Variants in RARB observed in about 807,000 individuals in gnomAD.
RARB encodes HBV-activated protein.
A neutral mutation model predicts 51.9 loss-of-function variants in RARB; 17 were observed. The observed-to-expected ratio is 0.33, with a 90% CI of 0.22 to 0.49. The LOEUF (loss-of-function observed/expected upper bound fraction) is 0.49, where lower values mean the gene tolerates loss of function less well. Among genes scored for constraint, RARB ranks in the 20% least tolerant of loss-of-function variants. The pLI, the probability that RARB is intolerant of heterozygous loss-of-function variation, is 0.99. For synonymous variants in RARB, 215 were observed against 195.4 expected (o/e 1.10, Z -0.84); for missense variants, 369 against 550.8 (o/e 0.67, Z 3.30).
At chr3:25,131,324 C>G in intron 3 of RARB, among the ~76,000 whole-genome samples, 1 of 152,176 alleles carries the variant, frequency 6.6e-6, no homozygotes, top group Middle Eastern at 3.4e-3. Context: ...CGCTCTTTAA[C>G]ATGAAGCTCT....
At chr3:25,228,964 T>A (rs1702117434) in intron 5 of RARB, among the ~76,000 whole-genome samples, 1 of 152,138 alleles carries the variant, frequency 6.6e-6, no homozygotes, top group Non-Finnish European at 1.5e-5. Flanking sequence ...CAATATGCTC[T>A]CCTTGTTGCA....
At chr3:24,842,226 TG>T (rs1484775623) in intron 1 of RARB, among the ~76,000 whole-genome samples, 1 of 152,202 alleles carries the variant, frequency 6.6e-6, no homozygotes, top group Non-Finnish European at 1.5e-5. Context: ...AGAGATTCAT[TG>T]TCTTTAGATA....
chr3:25,272,925 A>G (rs1703287827), intron 5 of RARB, among the ~76,000 whole-genome samples: 1 of 152,142 alleles, frequency 6.6e-6, no homozygotes, highest in African/African-American at 2.4e-5. Context: ...TCCAAATTCT[A>G]TCAGTTTTTG....
intron 2 of RARB, among the ~76,000 whole-genome samples, chr3:24,898,122 C>T (rs1008242716): frequency 6.6e-6 from 1 of 151,956 alleles, no homozygotes; most frequent in African/African-American, 2.4e-5. Flanking sequence ...GAGTCAAGCC[C>T]GGAGTTTGAG....
At chr3:25,124,548 T>G (rs538435483) in intron 3 of RARB, among the ~76,000 whole-genome samples, 5 of 152,328 alleles carry the variant, frequency 3.3e-5, no homozygotes, top group African/African-American at 1.2e-4. Context: ...CTGGGCCTAA[T>G]AGATCGGTAG....
intron 5 of RARB, among the ~76,000 whole-genome samples, chr3:25,323,073 G>T (rs1400534262): frequency 1.3e-5 from 2 of 152,182 alleles, no homozygotes; most frequent in Non-Finnish European, 2.9e-5. Context: ...GGTCCTATCT[G>T]TTGGCAGGTA....
chr3:25,040,486 A>C (rs1302228657), intron 2 of RARB, among the ~76,000 whole-genome samples: 1 of 152,202 alleles, frequency 6.6e-6, no homozygotes, highest in Non-Finnish European at 1.5e-5. Flanking sequence ...TGATCTCAGC[A>C]CTTTGGGAGG....
chr3:24,871,647 G>C (rs1426120093), intron 2 of RARB, among the ~76,000 whole-genome samples: 1 of 152,026 alleles, frequency 6.6e-6, no homozygotes, highest in African/African-American at 2.4e-5. Flanking sequence ...CACCAGATTG[G>C]ATATCCAGCT....
intron 4 of RARB, among the ~76,000 whole-genome samples, chr3:25,168,738 A>G (rs1317376123): frequency 1.3e-5 from 2 of 152,222 alleles, no homozygotes; most frequent in Non-Finnish European, 2.9e-5. Flanking sequence ...TGGAGAGAAA[A>G]TAGAGACAAT....
At position 25,279,575 on chromosome 3, in the gene RARB, C is replaced by A. The variant is rs371276243; in HGVS notation, c.178+105000C>A. ...TAGGGAAGAGATAGTTACTACTGAT[C>A]TATTAAAAAAAAAAAAAGTTAAATG... On this transcript the variant is annotated intron_variant, in intron 5 of 11. Transcript: ENST00000383772. Among the ~76,000 whole-genome samples, 5 of 148,338 alleles carry A rather than the reference C, an allele frequency of 3.4e-5. No homozygotes were observed. The East Asian group carries it at 5.9e-4, about 17-fold the overall frequency.
chr3:25,346,681 C>T (rs568845634), intron 5 of RARB, among the ~76,000 whole-genome samples: 11 of 152,300 alleles, frequency 7.2e-5, no homozygotes, highest in African/African-American at 1.9e-4. Context: ...TTGCTGCCTC[C>T]GTCAACACAG....
chr3:25,319,833 C>G (rs1575309252), intron 5 of RARB, among the ~76,000 whole-genome samples: 1 of 152,122 alleles, frequency 6.6e-6, no homozygotes. Flanking sequence ...TTTATTGATT[C>G]AGGATATACT....
chr3:25,157,146 CAAT>C (rs577086207), intron 4 of RARB, among the ~76,000 whole-genome samples: 4 of 152,054 alleles, frequency 2.6e-5, no homozygotes, highest in Non-Finnish European at 5.9e-5. Context: ...ATACAGGAAA[CAAT>C]AAGGTATCTG....
chr3:25,490,166 T>C (rs1696659915), intron 2 of RARB, among the ~76,000 whole-genome samples: 1 of 152,182 alleles, frequency 6.6e-6, no homozygotes, highest in African/African-American at 2.4e-5. Flanking sequence ...GAGTTTTTCC[T>C]TTTTACTCCA....
chr3:25,039,532 C>T (rs903697668), intron 2 of RARB, among the ~76,000 whole-genome samples: 5 of 152,112 alleles, frequency 3.3e-5, no homozygotes, highest in African/African-American at 7.2e-5. Context: ...AGGTATGATC[C>T]TAGAGTTCAC....
At chr3:25,261,162 G>T (rs535598613) in intron 5 of RARB, among the ~76,000 whole-genome samples, 6 of 152,092 alleles carry the variant, frequency 3.9e-5, no homozygotes, top group Non-Finnish European at 8.8e-5. Context: ...AGCACATAAT[G>T]AATACTCAAG....
chr3:25,262,349 T>A (rs934172595), intron 5 of RARB, among the ~76,000 whole-genome samples: 6 of 152,194 alleles, frequency 3.9e-5, no homozygotes, highest in African/African-American at 1.2e-4. Context: ...AGTTAGGCTC[T>A]ATCCTGTGTC....
At position 24,946,818 on chromosome 3, in the gene RARB, C is replaced by T. The variant is rs186485007; in HGVS notation, c.-380+88066C>T. Among the ~76,000 whole-genome samples, 88 of 152,216 alleles carry T rather than the reference C, an allele frequency of 5.8e-4. 1 individual carries two copies. The highest frequency in any genetic ancestry group is 2.0e-3 in the African/African-American group (83 of 41,536). ...GGGTCAAGGCTGCAGTGAGCAATGA[C>T]ATTGCTCCTGCATTCCAGCCTGGGT... is the stretch of plus-strand genomic sequence containing the variant. On this transcript the variant is annotated intron_variant, in intron 2 of 11. Transcript: ENST00000383772.
intron 3 of RARB, among the ~76,000 whole-genome samples, chr3:25,526,626 A>G (rs1288362228): frequency 1.3e-5 from 2 of 152,244 alleles, no homozygotes; most frequent in Non-Finnish European, 2.9e-5. Flanking sequence ...TAAATAGCAC[A>G]TAAAAGGTAC....
Sources: gnomAD v4.1 joint callset for allele counts (sites outside exome capture counted in the v4.1 genomes callset) on GRCh38, gnomAD v4.1.1 for gene constraint, MANE v1.5 for transcripts, NCBI Gene and HGNC (gene_info 2026-07-23, HGNC 2026-07-21) for gene names.